PLEKHG4: variants seen among roughly 807,000 people sequenced by gnomAD.
PLEKHG4 encodes pleckstrin homology and RhoGEF domain containing G4.
PLEKHG4 carries 85 observed loss-of-function variants against 136.9 expected under a neutral mutation model. The observed-to-expected ratio is 0.62, with a 90% confidence interval of 0.52 to 0.74. PLEKHG4 has a LOEUF of 0.74. Among genes scored for constraint, PLEKHG4 ranks in the 30% least tolerant of loss-of-function variants. The pLI is 0.00. For missense variants in PLEKHG4, 1,317 were observed against 1,527.8 expected (o/e 0.86, Z 2.30); for synonymous variants, 577 against 646.9 (o/e 0.89, Z 1.64).
At chr16:67,282,897 T>C in intron 11 of PLEKHG4, 39 bp downstream of exon 11, 2 of 1,398,542 alleles carry the variant, frequency 1.4e-6, no homozygotes, top group Non-Finnish European at 2.0e-6. Flanking sequence ...GGTATTGGGA[T>C]GCAATGCCAG....
intron 5 of PLEKHG4, 41 bp downstream of exon 5, chr16:67,281,225 C>A: frequency 9.1e-7 from 1 of 1,095,912 alleles, no homozygotes. Context: ...CTTTTCTTTT[C>A]TTTTTTTTTT....
intron 8 of PLEKHG4, 37 bp from the exon 9 acceptor site, chr16:67,282,164 C>G (rs765566967): frequency 9.3e-6 from 15 of 1,613,446 alleles, no homozygotes; most frequent in Non-Finnish European, 1.3e-5. Context: ...CCTTCTCTCC[C>G]ATGGCCACCT....
Position 67,288,351 on chromosome 16 carries a change from G to C in PLEKHG4, c.3405G>C (p.Glu1135Asp), listed in dbSNP as rs1349809721. ...GTCCCCTGTATCCCAGCTTCCCAGAGGAAGCAGCACTGGAGGCTGAGGCAG... is the reference window on the plus strand; with the variant it reads ...GTCCCCTGTATCCCAGCTTCCCAGACGAAGCAGCACTGGAGGCTGAGGCAG... ...LRCPLYPSFP[E>D]EAALEAEAEL... Residue 1135 changes from glutamate (E) to aspartate (D), a missense_variant, in exon 20 of 22, where the codon GAG (glutamate) becomes GAC (aspartate). Coordinates refer to ENST00000379344, the MANE Select transcript of PLEKHG4 (RefSeq NM_001129729.3). 6.2e-7 allele frequency: 1 copy of C among 1,611,788 alleles called. No homozygotes were observed. Among genetic ancestry groups the C allele is most frequent in the Non-Finnish European group, 8.5e-7 (1 of 1,180,016 alleles).
chr16:67,281,220 C>CT (rs57651895), intron 5 of PLEKHG4, 36 bp downstream of exon 5: 30,372 of 1,138,234 alleles, frequency 0.027, 393 homozygotes, highest in African/African-American at 0.075. Flanking sequence ...CATTCCTTTT[C>CT]TTTTCTTTTT....
Position 67,285,058 on chromosome 16 carries a change from C to G in PLEKHG4, c.2038C>G (p.Arg680Gly). 3 of 1,613,484 alleles carry G rather than the reference C, an allele frequency of 1.9e-6. No individual in the cohort carries two copies. The highest frequency in any genetic ancestry group is 2.5e-6 in the Non-Finnish European group (3 of 1,180,002). Residue 680 changes from arginine to glycine, a missense_variant, in exon 13 of 22, where the codon CGG (arginine) becomes GGG (glycine). Coordinates refer to ENST00000379344, the MANE Select transcript of PLEKHG4 (RefSeq NM_001129729.3). ...CCTGAGGAAGGCCTACAGCTTCGATCGGAATCTGGGGCAGAGTCTCAGTGA... is the reference window on the plus strand; with the variant it reads ...CCTGAGGAAGGCCTACAGCTTCGATGGGAATCTGGGGCAGAGTCTCAGTGA... The part of the protein sequence containing the change: ...PPLRKAYSFD[R>G]NLGQSLSEPA...
rs201715302 is a variant in PLEKHG4, at chr16:67,281,708, C to T, written c.892-16C>T. On this transcript the variant is annotated splice_polypyrimidine_tract_variant and intron_variant, in intron 6 of 21. Transcript: ENST00000379344. Reference sequence around the variant, plus strand: ...CTCCCCCCAGGCCTGGGTCACAACACCTTCTTCTCCTGTAGCTGGAGCAGT... The same window carrying T: ...CTCCCCCCAGGCCTGGGTCACAACATCTTCTTCTCCTGTAGCTGGAGCAGT... 148 of 1,613,726 alleles carry T rather than the reference C, an allele frequency of 9.2e-5. No individual in the cohort carries two copies. In the African/African-American group the frequency reaches 1.7e-3, roughly 18 times the overall value.
chr16:67,288,743 A>T, intron 21 of PLEKHG4, 60 bp from the exon 22 acceptor site: 3 of 1,610,446 alleles, frequency 1.9e-6, no homozygotes, highest in Non-Finnish European at 1.7e-6. Context: ...GCCATTCCCC[A>T]GACACCTCCT....
intron 1 of PLEKHG4, 115 bp downstream of exon 1, chr16:67,279,741 C>T (rs1017316459): frequency 9.6e-6 from 3 of 313,728 alleles, no homozygotes; most frequent in African/African-American, 2.2e-5. Flanking sequence ...ATGGCGGGGC[C>T]GCCCCCACGG....
intron 21 of PLEKHG4, 26 bp from the exon 22 acceptor site, chr16:67,288,777 C>T: frequency 6.2e-7 from 1 of 1,613,522 alleles, no homozygotes; most frequent in Non-Finnish European, 8.5e-7. Flanking sequence ...GGGAAGCAGG[C>T]ATTCATGCCT....
rs754577272 is a variant in PLEKHG4, at chr16:67,280,204, G to A, written c.160G>A (p.Gly54Arg). The part of the protein sequence containing the change: ...KDPGPPRPPA[G>R]ATQDEELQGS... The stretch of plus-strand genomic sequence containing the variant: ...CCCAGGTCCTCCAAGACCACCAGCC[G>A]GGGCCACCCAGGATGAGGAGCTACA... The change falls in exon 2 of 22, where the codon GGG (glycine) becomes AGG (arginine). Residue 54 changes from glycine (G) to arginine (R), a missense_variant. Coordinates refer to ENST00000379344, the MANE Select transcript of PLEKHG4 (RefSeq NM_001129729.3). This position sits in a 1 kb window ranked among gnomAD's most constrained non-coding sequence, Gnocchi z 4.4. The A allele has an allele frequency of 3.1e-5, 50 of 1,613,706 alleles. No homozygotes were observed. Among genetic ancestry groups the A allele is most frequent in the Non-Finnish European group, 3.6e-5 (42 of 1,179,958 alleles).
Position 67,280,081 on chromosome 16 carries a change from G to T in PLEKHG4, c.37G>T (p.Asp13Tyr). The change falls in exon 2 of 22, where the codon GAC (aspartate) becomes TAC (tyrosine). Residue 13 changes from aspartate (D) to tyrosine (Y), a missense_variant. By Grantham distance (160) the Asp-to-Tyr change is radical. Transcript: ENST00000379344. This position sits in a 1 kb window ranked among gnomAD's most constrained non-coding sequence, Gnocchi z 4.4. ...RPLENGDESP[D>Y]SQGHATDWRF... Reference sequence around the variant, plus strand: ...CCTGGAGAATGGGGATGAGTCCCCAGACTCTCAGGGCCATGCCACCGACTG... The same window carrying T: ...CCTGGAGAATGGGGATGAGTCCCCATACTCTCAGGGCCATGCCACCGACTG... 1 of 1,613,574 alleles carries T rather than the reference G, an allele frequency of 6.2e-7. No individual in the cohort carries two copies. The highest frequency in any genetic ancestry group is 1.1e-5 in the South Asian group (1 of 91,072).
rs773675481 is a variant in PLEKHG4, at chr16:67,287,083, C to T, written c.3009C>T (p.Asp1003=). The change falls in exon 18 of 22, where the codon GAC becomes GAT. Residue 1003 remains aspartate (D), a synonymous_variant. Coordinates refer to ENST00000379344, the MANE Select transcript of PLEKHG4 (RefSeq NM_001129729.3). ...EIWFRRRKAR[D]TFVLQASSLA... ...GGTTCCGCCGCCGCAAGGCCAGGGA[C>T]ACCTTTGTGCTGCAGGCCTCCAGCC... The T allele has an allele frequency of 6.2e-7, 1 of 1,613,314 alleles. No homozygotes were observed. The highest frequency in any genetic ancestry group is 8.5e-7 in the Non-Finnish European group (1 of 1,180,036).
Position 67,281,751 on chromosome 16 carries a change from C to G in PLEKHG4, c.919C>G (p.Leu307Val). ...GGAGCAGTTGCCTTCTCAGAGCCTG[C>G]TGACCCACATCCCAACGGCGGGGCT... ...QLEQLPSQSL[L>V]THIPTAGLPT... Residue 307 changes from leucine (L) to valine (V), a missense_variant, in exon 7 of 22, where the codon CTG (leucine) becomes GTG (valine). By Grantham distance (32) the Leu-to-Val change is conservative. Coordinates refer to ENST00000379344, the MANE Select transcript of PLEKHG4 (RefSeq NM_001129729.3). 6.2e-7 allele frequency: 1 copy of G among 1,614,098 alleles called. No homozygotes were observed. Among genetic ancestry groups the G allele is most frequent in the Non-Finnish European group, 8.5e-7 (1 of 1,180,008 alleles).
In PLEKHG4 at chr16:67,285,501, C is replaced by T; in HGVS notation, c.2407C>T (p.His803Tyr). The T allele has an allele frequency of 6.2e-7, 1 of 1,612,184 alleles. No individual in the cohort carries two copies. Among genetic ancestry groups the T allele is most frequent in the Non-Finnish European group, 8.5e-7 (1 of 1,180,020 alleles). ...FLRELEACTRHPPRVAYAFLR... is the reference protein window; with the variant it reads ...FLRELEACTRYPPRVAYAFLR... ...GCGTGAGCTGGAGGCTTGCACCCGG[C>T]ACCCACCACGAGTGGCCTATGCCTT... The change falls in exon 14 of 22, where the codon CAC becomes TAC. Residue 803 changes from histidine to tyrosine, a missense_variant. Coordinates refer to ENST00000379344, the MANE Select transcript of PLEKHG4 (RefSeq NM_001129729.3).
Position 67,280,310 on chromosome 16 carries a change from G to C in PLEKHG4, c.266G>C (p.Ser89Thr). Residue 89 changes from serine to threonine, a missense_variant, in exon 2 of 22, where the codon AGC becomes ACC. Coordinates refer to ENST00000379344, the MANE Select transcript of PLEKHG4 (RefSeq NM_001129729.3). The surrounding 1 kb of genome is among the most constrained non-coding windows in gnomAD (Gnocchi z 4.4). The part of the protein sequence containing the change: ...SGDAQRGTVE[S>T]SSVLSEGPGP... Reference sequence around the variant, plus strand: ...GATGCCCAGAGGGGCACAGTAGAAAGCTCCTCAGTCCTGTCAGAAGGGCCA... The same window carrying C: ...GATGCCCAGAGGGGCACAGTAGAAACCTCCTCAGTCCTGTCAGAAGGGCCA... 2.5e-6 allele frequency: 4 copies of C among 1,613,792 alleles called. No individual in the cohort carries two copies. Among genetic ancestry groups the C allele is most frequent in the Non-Finnish European group, 3.4e-6 (4 of 1,180,010 alleles).
chr16:67,281,700 T>TGTG, intron 6 of PLEKHG4, 24 bp from the exon 7 acceptor site: 1 of 1,613,338 alleles, frequency 6.2e-7, no homozygotes, highest in Non-Finnish European at 8.5e-7. Context: ...CAGGCCTGGG[T>TGTG]CACAACACCT....
chr16:67,282,638 C>G lies in PLEKHG4; in HGVS notation c.1389C>G (p.His463Gln). Residue 463 changes from histidine (H) to glutamine (Q), a missense_variant, in exon 10 of 22, where the codon CAC (histidine) becomes CAG (glutamine). By Grantham distance (24) the His-to-Gln change is conservative. Coordinates refer to ENST00000379344, the MANE Select transcript of PLEKHG4 (RefSeq NM_001129729.3). Reference sequence around the variant, plus strand: ...TGGAGGCCCGGGAAAGCGGACTGCACCAGGTCGGAACTACTTGCCCAGAGT... The same window carrying G: ...TGGAGGCCCGGGAAAGCGGACTGCAGCAGGTCGGAACTACTTGCCCAGAGT... Reference protein sequence around the residue: ...QTLEARESGLHQIEVWLQQVG... With the variant: ...QTLEARESGLQQIEVWLQQVG... 6.2e-7 allele frequency: 1 copy of G among 1,613,850 alleles called. No individual in the cohort carries two copies. The highest frequency in any genetic ancestry group is 8.5e-7 in the Non-Finnish European group (1 of 1,180,038).
intron 5 of PLEKHG4, 46 bp from the exon 6 acceptor site, chr16:67,281,521 C>T (rs1279217060): frequency 6.5e-7 from 1 of 1,543,652 alleles, no homozygotes; most frequent in African/African-American, 1.4e-5. Flanking sequence ...CCACCATGCC[C>T]TTTTCTGTAG....
In PLEKHG4 at chr16:67,280,264, C is replaced by T. The variant is rs1460805506; in HGVS notation, c.220C>T (p.Pro74Ser). 6 of 1,613,820 alleles carry T rather than the reference C, an allele frequency of 3.7e-6. No individual in the cohort carries two copies. The African/African-American group carries it at 5.3e-5, about 14-fold the overall frequency. The change falls in exon 2 of 22, where the codon CCA becomes TCA. Residue 74 changes from proline to serine, a missense_variant. Pro to Ser is a moderately conservative substitution (Grantham distance 74). Transcript: ENST00000379344. This position sits in a 1 kb window ranked among gnomAD's most constrained non-coding sequence, Gnocchi z 4.4. The stretch of plus-strand genomic sequence containing the variant: ...CTTGTCCAGGAAATTCCAGTTACCC[C>T]CAGCTGCAGATGAGTCGGGGGATGC... ...SPLSRKFQLP[P>S]AADESGDAQR...
Sources: allele counts gnomAD v4.1 joint callset, GRCh38; gene constraint gnomAD v4.1.1; non-coding constraint Gnocchi (gnomAD v3.1); transcripts MANE v1.5; gene names NCBI Gene and HGNC (gene_info 2026-07-23, HGNC 2026-07-21).